The following PPFIBP2 variants were observed in gnomAD, a reference collection of about 807,000 sequenced individuals.
PPFIBP2 encodes PPFIB scaffold protein 2.
Under a neutral mutation model 118.3 loss-of-function variants are expected in PPFIBP2, and 118 were observed. That is an observed-to-expected ratio of 1.00 (90% CI 0.86 to 1.16). PPFIBP2 has a LOEUF of 1.16. Among genes scored for constraint, PPFIBP2 ranks in the 50% most tolerant of loss-of-function variants. The probability of loss-of-function intolerance (pLI) is 0.00; values close to 1 mark genes in which losing one functional copy is unlikely to be tolerated. For missense variants in PPFIBP2, 1,195 were observed against 1,073.1 expected (o/e 1.11, Z -1.59); for synonymous variants, 414 against 397.4 (o/e 1.04, Z -0.50).
At chr11:7,591,058 A>G (rs1859191197) in intron 3 of PPFIBP2, among the ~76,000 whole-genome samples, 1 of 152,156 alleles carries the variant, frequency 6.6e-6, no homozygotes, top group Non-Finnish European at 1.5e-5. Context: ...GTGCTATAGA[A>G]TCTAGGTCAT....
At chr11:7,653,923 C>G (rs1565136780), downstream of PPFIBP2, among the ~76,000 whole-genome samples, 1 of 152,162 alleles carries the variant, frequency 6.6e-6, no homozygotes. Context: ...GCGGGACCCC[C>G]TCCCATAGCC....
At chr11:7,656,884 C>G, downstream of PPFIBP2, 3 of 1,015,720 alleles carry the variant, frequency 3.0e-6, no homozygotes, top group Non-Finnish European at 4.1e-6. Flanking sequence ...ACAGCCCCCT[C>G]TGCAAGCCCA....
At chr11:7,647,056 GC>G (rs1853197444) in intron 17 of PPFIBP2, among the ~76,000 whole-genome samples, 1 of 152,094 alleles carries the variant, frequency 6.6e-6, no homozygotes, top group Non-Finnish European at 1.5e-5. Context: ...ATCAGTCCCT[GC>G]CCCAGGGTAT....
chr11:7,521,025 C>A (rs764345419), intron 1 of PPFIBP2, among the ~76,000 whole-genome samples: 1 of 152,332 alleles, frequency 6.6e-6, no homozygotes, highest in African/African-American at 2.4e-5. Context: ...GCTTTAGGCC[C>A]AGATCTCCTT....
intron 3 of PPFIBP2, among the ~76,000 whole-genome samples, chr11:7,592,008 G>A (rs1333684458): frequency 6.6e-6 from 1 of 152,172 alleles, no homozygotes; most frequent in African/African-American, 2.4e-5. Flanking sequence ...GCCCAACTCT[G>A]GGTCTCTCAC....
At chr11:7,551,620 G>T (rs571673898) in intron 2 of PPFIBP2, among the ~76,000 whole-genome samples, 15 of 152,210 alleles carry the variant, frequency 9.9e-5, no homozygotes, top group South Asian at 4.2e-4. Flanking sequence ...TCAGTTTTTT[G>T]ATCACAAAGT....
chr11:7,568,245 A>T (rs181227369), intron 3 of PPFIBP2, among the ~76,000 whole-genome samples: 1 of 152,366 alleles, frequency 6.6e-6, no homozygotes, highest in East Asian at 1.9e-4. Flanking sequence ...TGTCCAGAAG[A>T]CAGACAGTCC....
At chr11:7,618,167 G>A (rs144390544) in intron 6 of PPFIBP2, among the ~76,000 whole-genome samples, 187 of 152,256 alleles carry the variant, frequency 1.2e-3, no homozygotes, top group Non-Finnish European at 2.3e-3. Flanking sequence ...GGATTTGGTT[G>A]GAAAGATTTC....
At chr11:7,593,331 C>T (rs2135250115) in intron 4 of PPFIBP2, 107 bp downstream of exon 4, 1 of 1,433,512 alleles carries the variant, frequency 7.0e-7, no homozygotes, top group Non-Finnish European at 9.3e-7. Flanking sequence ...AATTTTTCTC[C>T]TTCCAATGCC....
chr11:7,565,295 CTG>C (rs1854833799), intron 2 of PPFIBP2, among the ~76,000 whole-genome samples: 1 of 152,182 alleles, frequency 6.6e-6, no homozygotes, highest in Non-Finnish European at 1.5e-5. Context: ...GGGTCTCACT[CTG>C]TTGCCCAGGC....
chr11:7,516,258 G>T (rs1849221600), intron 1 of PPFIBP2, among the ~76,000 whole-genome samples: 1 of 152,198 alleles, frequency 6.6e-6, no homozygotes, highest in South Asian at 2.1e-4. Context: ...GAAACCGGGA[G>T]GCTGATCCAG....
chr11:7,618,023 A>C (rs1458606908), intron 6 of PPFIBP2, among the ~76,000 whole-genome samples: 1 of 152,152 alleles, frequency 6.6e-6, no homozygotes. Context: ...AGGACTTGGA[A>C]GCCCCCCAAG....
intron 14 of PPFIBP2, among the ~76,000 whole-genome samples, chr11:7,637,598 A>G (rs949146031): frequency 6.6e-5 from 10 of 152,214 alleles, no homozygotes; most frequent in African/African-American, 2.4e-4. Flanking sequence ...AATCAGTTCT[A>G]CACTACTCCC....
intron 5 of PPFIBP2, chr11:7,605,846 C>T (rs778833163): frequency 4.3e-6 from 6 of 1,401,432 alleles, no homozygotes; most frequent in Admixed American, 3.3e-5. Context: ...CAAACACATT[C>T]TGGATACACG....
chr11:7,617,050 T>C lies in PPFIBP2; in HGVS notation c.619-3885T>C, dbSNP rs190188182. ...TCCTCTGTGCTGTTCTCTTAAGGAG[T>C]TCTGCGTCTGAGAGCTGTCTGACCT... is the stretch of plus-strand genomic sequence containing the variant. On this transcript the variant is annotated intron_variant, in intron 6 of 23. Coordinates refer to ENST00000299492, the MANE Select transcript of PPFIBP2 (RefSeq NM_003621.5). The C allele has an allele frequency of 1.3e-4, 116 of 875,064 alleles. 1 individual carries two copies. The highest frequency in any genetic ancestry group is 5.6e-4 in the Admixed American group (9 of 16,114). 54.2% of individuals were successfully genotyped at this position (875,064 alleles called of 1,614,324 possible).
chr11:7,585,146 T>C (rs138931266), intron 3 of PPFIBP2, among the ~76,000 whole-genome samples: 3 of 152,296 alleles, frequency 2.0e-5, no homozygotes, highest in African/African-American at 7.2e-5. Context: ...GTATGTACTG[T>C]GGCCAAGATC....
intron 17 of PPFIBP2, among the ~76,000 whole-genome samples, chr11:7,647,513 A>G (rs1193090354): frequency 6.6e-6 from 1 of 152,202 alleles, no homozygotes; most frequent in Non-Finnish European, 1.5e-5. Context: ...CACAAGGCCA[A>G]ACATCTCTTG....
At chr11:7,665,929 C>G in the PPFIBP2 span, 3 of 1,535,766 alleles carry the variant, frequency 2.0e-6, no homozygotes, top group Non-Finnish European at 2.6e-6. Flanking sequence ...CGCCCTCTGC[C>G]GACCAGGGAC....
intron 9 of PPFIBP2, 131 bp from the exon 10 acceptor site, chr11:7,629,328 G>T: frequency 1.2e-6 from 1 of 852,768 alleles, no homozygotes; most frequent in Non-Finnish European, 1.9e-6. Context: ...AATGGGGCCT[G>T]GACACTCTTT....
Sources: gnomAD v4.1 joint callset for allele counts (sites outside exome capture counted in the v4.1 genomes callset) on GRCh38, gnomAD v4.1.1 for gene constraint, MANE v1.5 for transcripts, NCBI Gene and HGNC (gene_info 2026-07-23, HGNC 2026-07-21) for gene names.